PTGFR: variants seen among roughly 807,000 people sequenced by gnomAD.
PTGFR encodes the protein prostaglandin F2-alpha receptor.
A neutral mutation model predicts 26.2 loss-of-function variants in PTGFR; 15 were observed. The observed-to-expected ratio is 0.57, with a 90% CI of 0.38 to 0.88. The LOEUF (loss-of-function observed/expected upper bound fraction) is 0.88, where lower values mean the gene tolerates loss of function less well. Ranked by LOEUF, PTGFR falls within the 40% of genes least tolerant of loss-of-function variation. The pLI is 0.00. For missense variants in PTGFR, 369 were observed against 427.2 expected, an observed-to-expected ratio of 0.86 and a Z score of 1.20; for synonymous variants, 165 against 151.1, an observed-to-expected ratio of 1.09 and a Z score of -0.68.
At chr1:78,513,689 G>C (rs937842378) in intron 2 of PTGFR, among the ~76,000 whole-genome samples, 2 of 152,206 alleles carry the variant, frequency 1.3e-5, no homozygotes, top group Admixed American at 6.5e-5. Context: ...TGACTAAAAA[G>C]TAGCCATGTG....
rs989843286 is a variant in PTGFR, at chr1:78,539,204, C to G, written c.*2517C>G. 9.9e-5 allele frequency: 15 copies of G among 151,152 alleles called. No individual in the cohort carries two copies. Among genetic ancestry groups the G allele is most frequent in the Admixed American group, 9.9e-4 (15 of 15,166 alleles). The allele number at this position is 151,152 out of a possible 1,614,324, so 9.4% of individuals were successfully genotyped here. A position where few individuals can be genotyped will look rare whatever the true frequency, so the allele number is the denominator to read the frequency against. On this transcript the variant is annotated 3_prime_UTR_variant, in exon 3 of 3. Coordinates refer to ENST00000370757, the MANE Select transcript of PTGFR (RefSeq NM_000959.4). ...AAGTTACTTCTAATGATCTATATAG[C>G]TAAAACGAAAAATACCTGAAAGTTA...
chr1:78,491,310 C>G (rs1201950404), intron 1 of PTGFR, 74 bp downstream of exon 1: 2 of 152,558 alleles, frequency 1.3e-5, no homozygotes, highest in Non-Finnish European at 2.9e-5. Flanking sequence ...CAACTCACCC[C>G]CTGAGACACC....
At chr1:78,506,251 C>A (rs1649825830) in intron 2 of PTGFR, among the ~76,000 whole-genome samples, 1 of 151,828 alleles carries the variant, frequency 6.6e-6, no homozygotes, top group African/African-American at 2.4e-5. Context: ...TAGTGGATGT[C>A]ATGGTAACTC....
At chr1:78,507,580 C>T (rs1570278249) in intron 2 of PTGFR, among the ~76,000 whole-genome samples, 1 of 152,246 alleles carries the variant, frequency 6.6e-6, no homozygotes, top group East Asian at 1.9e-4. Context: ...GAGCCTAATA[C>T]AGGACATGTC....
chr1:78,528,833 A>G (rs1650438534), intron 2 of PTGFR, among the ~76,000 whole-genome samples: 2 of 152,104 alleles, frequency 1.3e-5, no homozygotes, highest in Admixed American at 1.3e-4. Context: ...ACACATACAA[A>G]TTTCAATAAA....
At chr1:78,505,631 A>C (rs1649811015) in intron 2 of PTGFR, among the ~76,000 whole-genome samples, 1 of 152,148 alleles carries the variant, frequency 6.6e-6, no homozygotes, top group Admixed American at 6.5e-5. Context: ...AGCTGTCACC[A>C]CTATCTTGTA....
intron 1 of PTGFR, among the ~76,000 whole-genome samples, chr1:78,492,158 C>G (rs1490241662): frequency 6.6e-6 from 1 of 152,190 alleles, no homozygotes; most frequent in Non-Finnish European, 1.5e-5. Context: ...CTGCATTTAA[C>G]ATCAATGAAC....
At chr1:78,533,762 A>G (rs1045065115) in intron 2 of PTGFR, among the ~76,000 whole-genome samples, 1 of 152,216 alleles carries the variant, frequency 6.6e-6, no homozygotes, top group Non-Finnish European at 1.5e-5. Context: ...TGATGCGATA[A>G]CATCCAGAAT....
Position 78,491,034 on chromosome 1 carries a change from G to A in PTGFR, c.-275G>A, listed in dbSNP as rs1649378174. ...AGCTAGGTGCAGAGGGATCCCAGGA[G>A]CCGCGCGCGCCCCGCAGTTTCCGCG... On this transcript the variant is annotated 5_prime_UTR_variant, in exon 1 of 3. Transcript: ENST00000370757. 1 of 152,258 alleles carries A rather than the reference G, an allele frequency of 6.6e-6. No homozygotes were observed. The allele number at this position is 152,258 out of a possible 1,614,324, so 9.4% of individuals were successfully genotyped here. A position where few individuals can be genotyped will look rare whatever the true frequency, so the allele number is the denominator to read the frequency against.
Position 78,492,874 on chromosome 1 carries a change from A to G in PTGFR, c.131A>G (p.Asn44Ser). The G allele has an allele frequency of 6.2e-7, 1 of 1,614,254 alleles. No homozygotes were observed. The highest frequency in any genetic ancestry group is 8.5e-7 in the Non-Finnish European group (1 of 1,180,042). Residue 44 changes from asparagine (N) to serine (S), a missense_variant, in exon 2 of 3, where the codon AAC becomes AGC. Physicochemically the swap from Asn to Ser is conservative, Grantham distance 46. Coordinates refer to ENST00000370757, the MANE Select transcript of PTGFR (RefSeq NM_000959.4). ...TTCATGACAGTGGGAATCTTGTCAA[A>G]CAGCCTTGCCATCGCCATTCTCATG... ...VIFMTVGILSNSLAIAILMKA... is the reference protein window; with the variant it reads ...VIFMTVGILSSSLAIAILMKA...
rs1361906820 is a variant in PTGFR at position 78,540,367 on chromosome 1, G to A, written c.*3680G>A. On this transcript the variant is annotated 3_prime_UTR_variant, in exon 3 of 3. Transcript: ENST00000370757. ...ACAGCACTAATGATTTCCACATTAG[G>A]TAAAAAAAATTTTCATTCTTGTCTT... Among the ~76,000 whole-genome samples the A allele has an allele frequency of 6.6e-6, 1 of 152,020 alleles. No individual in the cohort carries two copies. Among genetic ancestry groups the A allele is most frequent in the African/African-American group, 2.4e-5 (1 of 41,400 alleles).
At chr1:78,499,431 T>A (rs1007268865) in intron 2 of PTGFR, among the ~76,000 whole-genome samples, 2 of 152,254 alleles carry the variant, frequency 1.3e-5, no homozygotes, top group East Asian at 1.9e-4. Context: ...TGTTCTGTGT[T>A]CAGCTCCTAG....
chr1:78,525,063 T>C (rs903628071), intron 2 of PTGFR, among the ~76,000 whole-genome samples: 1 of 151,852 alleles, frequency 6.6e-6, no homozygotes, highest in Admixed American at 6.6e-5. Context: ...ATGCCAGATG[T>C]GTATCAGGAT....
intron 2 of PTGFR, among the ~76,000 whole-genome samples, chr1:78,524,689 T>C (rs1469769899): frequency 6.6e-6 from 1 of 152,054 alleles, no homozygotes; most frequent in African/African-American, 2.4e-5. Context: ...CAGTCCCAGC[T>C]ACGATACTAA....
At chr1:78,520,029 C>T (rs955370944) in intron 2 of PTGFR, among the ~76,000 whole-genome samples, 2 of 151,948 alleles carry the variant, frequency 1.3e-5, no homozygotes, top group Non-Finnish European at 2.9e-5. Context: ...CAGGTTTATA[C>T]CACTTCCTTT....
chr1:78,523,914 A>G (rs1001757483), intron 2 of PTGFR, among the ~76,000 whole-genome samples: 2 of 152,078 alleles, frequency 1.3e-5, no homozygotes, highest in African/African-American at 4.8e-5. Flanking sequence ...CTTGGGAACT[A>G]TATGCCCAGC....
chr1:78,507,779 T>C (rs1210008274), intron 2 of PTGFR, among the ~76,000 whole-genome samples: 3 of 152,196 alleles, frequency 2.0e-5, no homozygotes, highest in Admixed American at 2.0e-4. Context: ...GATTTCTAGA[T>C]TGCTGAAGTA....
Position 78,493,177 on chromosome 1 carries a change from C to T in PTGFR, c.434C>T (p.Thr145Met), listed in dbSNP as rs142013001. 466 of 1,614,104 alleles carry T rather than the reference C, an allele frequency of 2.9e-4. No homozygotes were observed. Among genetic ancestry groups the T allele is most frequent in the Admixed American group, 1.1e-3 (66 of 60,012 alleles). ...IGVTKPIFHS[T>M]KITSKHVKMM... ...GTCACAAAACCAATATTTCATTCTA[C>T]GAAAATTACATCCAAACATGTGAAA... is the stretch of plus-strand genomic sequence containing the variant. Residue 145 changes from threonine (T) to methionine (M), a missense_variant, in exon 2 of 3, where the codon ACG becomes ATG. By Grantham distance (81) the Thr-to-Met change is moderately conservative. Transcript: ENST00000370757.
chr1:78,536,213 C>A (rs1650648056), intron 2 of PTGFR, among the ~76,000 whole-genome samples, 193 bp from the exon 3 acceptor site: 1 of 152,038 alleles, frequency 6.6e-6, no homozygotes, highest in Admixed American at 6.6e-5. Flanking sequence ...GGTCTAATGT[C>A]AATTTGAATT....
Sources: gnomAD v4.1 joint callset for allele counts (sites outside exome capture counted in the v4.1 genomes callset) on GRCh38, gnomAD v4.1.1 for gene constraint, MANE v1.5 for transcripts, NCBI Gene and HGNC (gene_info 2026-07-23, HGNC 2026-07-21) for gene names.